The following MYRIP variants were observed in gnomAD, a reference collection of about 807,000 sequenced individuals.
The protein encoded by MYRIP is rab effector MyRIP.
In MYRIP, 49 loss-of-function variants were observed where a neutral mutation model predicts 98.0. The ratio of observed to expected loss-of-function variants is 0.50; its 90% CI spans 0.40 to 0.63. MYRIP has a LOEUF of 0.63. MYRIP is among the 30% of genes least tolerant of loss of function. The pLI, the probability that MYRIP is intolerant of heterozygous loss-of-function variation, is 0.00. For missense variants in MYRIP, 1,004 were observed against 1,058.2 expected, an observed-to-expected ratio of 0.95 and a Z score of 0.71; for synonymous variants, 404 against 409.5, an observed-to-expected ratio of 0.99 and a Z score of 0.16.
chr3:40,145,671 C>T (rs529221287), intron 3 of MYRIP, among the ~76,000 whole-genome samples: 37 of 152,334 alleles, frequency 2.4e-4, no homozygotes, highest in African/African-American at 8.9e-4. Flanking sequence ...TTGAACCTGG[C>T]TGCTTTACGT....
chr3:40,153,401 G>T (rs565960296), intron 4 of MYRIP, among the ~76,000 whole-genome samples: 1 of 152,184 alleles, frequency 6.6e-6, no homozygotes, highest in Non-Finnish European at 1.5e-5. Context: ...AGACTCAAGA[G>T]TCCTTCATTA....
rs147522754 is a variant in MYRIP, at chr3:40,003,918, G to A, written c.111-40132G>A. ...AAGTCCTACACAGCAGATTCAGCCT[G>A]AGCCTATCTGACTGTCAAGTTTATT... On this transcript the variant is annotated intron_variant, in intron 2 of 16. Coordinates refer to ENST00000302541, the MANE Select transcript of MYRIP (RefSeq NM_015460.4). Among the ~76,000 whole-genome samples the A allele has an allele frequency of 9.4e-3, 1,428 of 152,286 alleles. 23 individuals are homozygous for A. The highest frequency in any genetic ancestry group is 0.032 in the African/African-American group (1,314 of 41,558).
intron 3 of MYRIP, among the ~76,000 whole-genome samples, chr3:40,046,659 G>A (rs1432805676): frequency 6.6e-6 from 1 of 150,776 alleles, no homozygotes; most frequent in African/African-American, 2.5e-5. Context: ...AAGGTGTGTG[G>A]AGGGTCTGAA....
At chr3:39,832,397 A>AT (rs1435408565) in intron 1 of MYRIP, among the ~76,000 whole-genome samples, 2 of 152,284 alleles carry the variant, frequency 1.3e-5, no homozygotes, top group East Asian at 1.9e-4. Context: ...GAGAGCTTGT[A>AT]TTTTTTACTC....
At chr3:40,212,749 A>AAT (rs1199564209) in intron 11 of MYRIP, among the ~76,000 whole-genome samples, 1 of 152,096 alleles carries the variant, frequency 6.6e-6, no homozygotes, top group African/African-American at 2.4e-5. Context: ...TGTCTCAAAA[A>AAT]ATATATAAGT....
intron 4 of MYRIP, among the ~76,000 whole-genome samples, chr3:40,151,510 A>G (rs1950120160): frequency 6.6e-6 from 1 of 152,182 alleles, no homozygotes; most frequent in Non-Finnish European, 1.5e-5. Context: ...AAAACGTTGG[A>G]AAGTCATTTG....
intron 3 of MYRIP, among the ~76,000 whole-genome samples, chr3:40,059,843 A>G (rs190450560): frequency 4.0e-4 from 61 of 152,274 alleles, no homozygotes; most frequent in African/African-American, 1.5e-3. Context: ...ATTAGTTTCC[A>G]TGTTGAGATG....
At chr3:39,843,380 G>T (rs571173288) in intron 1 of MYRIP, among the ~76,000 whole-genome samples, 1 of 151,906 alleles carries the variant, frequency 6.6e-6, no homozygotes, top group Non-Finnish European at 1.5e-5. Flanking sequence ...AAAAAGACAA[G>T]AAAGAAAAAG....
At chr3:39,858,713 A>G (rs1942377040) in intron 1 of MYRIP, among the ~76,000 whole-genome samples, 1 of 152,192 alleles carries the variant, frequency 6.6e-6, no homozygotes, top group African/African-American at 2.4e-5. Flanking sequence ...CAATGGTATG[A>G]AACTAAAAAT....
chr3:39,978,489 C>A (rs930893770), intron 2 of MYRIP, among the ~76,000 whole-genome samples: 2 of 152,142 alleles, frequency 1.3e-5, no homozygotes, highest in Non-Finnish European at 2.9e-5. Flanking sequence ...AGTTATGCAG[C>A]CTCTCCCTGA....
intron 11 of MYRIP, among the ~76,000 whole-genome samples, chr3:40,231,317 C>T (rs1015818752): frequency 3.3e-5 from 5 of 152,154 alleles, no homozygotes; most frequent in African/African-American, 4.8e-5. Context: ...GACAAGTGGA[C>T]GGGGTAGGGC....
At position 40,189,026 on chromosome 3, in the gene MYRIP, G is replaced by A. The variant is rs545019913; in HGVS notation, c.1028-800G>A. Among the ~76,000 whole-genome samples, 6 of 152,310 alleles carry A rather than the reference G, an allele frequency of 3.9e-5. No homozygotes were observed. The East Asian group carries it at 9.7e-4, about 25-fold the overall frequency. On this transcript the variant is annotated intron_variant, in intron 9 of 16. Coordinates refer to ENST00000302541, the MANE Select transcript of MYRIP (RefSeq NM_015460.4). Reference sequence around the variant, plus strand: ...CCAGTTTAGACCACTCCAGACCATAGTCACAGCCTGAGAACTGCTCCAGCT... The same window carrying A: ...CCAGTTTAGACCACTCCAGACCATAATCACAGCCTGAGAACTGCTCCAGCT...
chr3:39,846,394 C>T (rs138844541), intron 1 of MYRIP, among the ~76,000 whole-genome samples: 144 of 152,328 alleles, frequency 9.5e-4, no homozygotes, highest in African/African-American at 3.4e-3. Flanking sequence ...CCCTGTCTCC[C>T]ACCTTTCCTT....
At chr3:39,996,076 A>C (rs896324915) in intron 2 of MYRIP, among the ~76,000 whole-genome samples, 16 of 152,224 alleles carry the variant, frequency 1.1e-4, no homozygotes, top group Admixed American at 1.0e-3. Context: ...CACTGCAAAA[A>C]CATGCCAAAT....
chr3:40,028,474 T>C (rs866799525), intron 2 of MYRIP, among the ~76,000 whole-genome samples: 2 of 152,206 alleles, frequency 1.3e-5, no homozygotes, highest in Admixed American at 6.5e-5. Flanking sequence ...TATAGATACT[T>C]GGATCACTGA....
At chr3:40,017,575 A>C (rs1946891539) in intron 2 of MYRIP, among the ~76,000 whole-genome samples, 2 of 152,176 alleles carry the variant, frequency 1.3e-5, no homozygotes. Flanking sequence ...GCACCAACAG[A>C]AGTTTTTCTG....
At chr3:40,022,663 A>G (rs565921383) in intron 2 of MYRIP, among the ~76,000 whole-genome samples, 1 of 152,160 alleles carries the variant, frequency 6.6e-6, no homozygotes, top group African/African-American at 2.4e-5. Context: ...AGCTAAGCCA[A>G]TGGCAGAGCA....
At chr3:40,122,552 A>T (rs1949426571) in intron 3 of MYRIP, among the ~76,000 whole-genome samples, 1 of 151,842 alleles carries the variant, frequency 6.6e-6, no homozygotes, top group African/African-American at 2.4e-5. Context: ...TTTTCTATAG[A>T]TACATAATTA....
intron 3 of MYRIP, among the ~76,000 whole-genome samples, chr3:40,113,742 A>G (rs1319249104): frequency 6.6e-6 from 1 of 151,846 alleles, no homozygotes; most frequent in Non-Finnish European, 1.5e-5. Flanking sequence ...CAGGCCAGAC[A>G]GCAGTGGTGC....
Sources: gnomAD v4.1 joint callset for allele counts (sites outside exome capture counted in the v4.1 genomes callset) on GRCh38, gnomAD v4.1.1 for gene constraint, MANE v1.5 for transcripts, NCBI Gene and HGNC (gene_info 2026-07-23, HGNC 2026-07-21) for gene names.